METTL1: variants seen among roughly 807,000 people sequenced by gnomAD.
METTL1 encodes the protein tRNA (guanine-N(7)-)-methyltransferase.
In METTL1, 14 loss-of-function variants were observed where a neutral mutation model predicts 27.7. The ratio of observed to expected loss-of-function variants is 0.51; its 90% CI spans 0.33 to 0.79. The LOEUF (loss-of-function observed/expected upper bound fraction) is 0.79. Among genes scored for constraint, METTL1 ranks in the 30% least tolerant of loss-of-function variants. The probability of loss-of-function intolerance (pLI) is 0.02; values close to 1 mark genes in which losing one functional copy is unlikely to be tolerated. For missense variants in METTL1, 333 were observed against 359.6 expected (o/e 0.93, Z 0.60); for synonymous variants, 138 against 137.0 (o/e 1.01, Z -0.05).
Position 57,769,363 on chromosome 12 carries a change from G to T in METTL1, c.615C>A (p.Asp205Glu), listed in dbSNP as rs764012394. 1.5e-5 allele frequency: 24 copies of T among 1,614,096 alleles called. No individual in the cohort carries two copies. Among genetic ancestry groups the T allele is most frequent in the Admixed American group, 1.3e-4 (8 of 60,004 alleles). Residue 205 changes from aspartate (D) to glutamate (E), a missense_variant, in exon 5 of 6, where the codon GAC becomes GAA. Physicochemically the swap from Asp to Glu is conservative, Grantham distance 45. Coordinates refer to ENST00000324871, the MANE Select transcript of METTL1 (RefSeq NM_005371.6). ...GCTCTTCGAAATGAGTGCACATCCAGTCGTGTAGCTCCAGCACATCGGTTA... is the reference window on the plus strand; with the variant it reads ...GCTCTTCGAAATGAGTGCACATCCATTCGTGTAGCTCCAGCACATCGGTTA... The part of the protein sequence containing the change: ...YTITDVLELH[D>E]WMCTHFEEHP...
chr12:57,769,717 T>C (rs2140401667), intron 3 of METTL1, 39 bp from the exon 4 acceptor site: 1 of 1,606,818 alleles, frequency 6.2e-7, no homozygotes, highest in South Asian at 1.1e-5. Context: ...TGTGAGAGCC[T>C]GGCCTCCATG....
At position 57,771,159 on chromosome 12, in the gene METTL1, T is replaced by C; in HGVS notation, c.209A>G (p.Lys70Arg). 6.2e-7 allele frequency: 1 copy of C among 1,614,208 alleles called. No homozygotes were observed. The highest frequency in any genetic ancestry group is 8.5e-7 in the Non-Finnish European group (1 of 1,180,038). ...CACTTGGGCCTGAGCTCTCTTTTCT[T>C]TCTTATCCTTTGGGTCATCGTGGCT... ...NQSHDDPKDKKEKRAQAQVEF... is the reference protein window; with the variant it reads ...NQSHDDPKDKREKRAQAQVEF... The change falls in exon 2 of 6, where the codon AAA becomes AGA. Residue 70 changes from lysine (K) to arginine (R), a missense_variant. Transcript: ENST00000324871.
intron 2 of METTL1, chr12:57,770,856 T>C (rs1032959830): frequency 4.5e-6 from 2 of 447,018 alleles, no homozygotes; most frequent in Non-Finnish European, 8.1e-6. Flanking sequence ...ATGGCTCATG[T>C]AGGGATTGAC....
rs770060272 is a variant in METTL1 at position 57,769,882 on chromosome 12, G to T, written c.349C>A (p.Gln117Lys). 2 of 1,614,056 alleles carry T rather than the reference G, an allele frequency of 1.2e-6. No homozygotes were observed. The highest frequency in any genetic ancestry group is 1.7e-6 in the Non-Finnish European group (2 of 1,179,962). The change falls in exon 3 of 6, where the codon CAA becomes AAA. Residue 117 changes from glutamine to lysine, a missense_variant. Coordinates refer to ENST00000324871, the MANE Select transcript of METTL1 (RefSeq NM_005371.6). ...EIRVKVSDYV[Q>K]DRIRALRAAP... is the part of the protein sequence containing the mutation. Reference sequence around the variant, plus strand: ...GCGCGTAGGGCCCGAATCCGGTCTTGTACATAGTCTGAGACCTTCACCCGG... The same window carrying T: ...GCGCGTAGGGCCCGAATCCGGTCTTTTACATAGTCTGAGACCTTCACCCGG...
In METTL1 at chr12:57,772,097, G is replaced by T. The variant is rs1955442674; in HGVS notation, c.-14C>A. The T allele has an allele frequency of 1.3e-6, 2 of 1,571,298 alleles. No homozygotes were observed. Among genetic ancestry groups the T allele is most frequent in the Non-Finnish European group, 8.6e-7 (1 of 1,165,470 alleles). On this transcript the variant is annotated 5_prime_UTR_variant, in exon 1 of 6. Transcript: ENST00000324871. The surrounding 1 kb of genome is among the most constrained non-coding windows in gnomAD (Gnocchi z 4.1). ...CTCGGCTGCCATGATCCCAGTCCGG[G>T]GTTTCTCTACCAAATCCACGTGGAG...
chr12:57,770,400 C>T (rs1032823087), intron 2 of METTL1, among the ~76,000 whole-genome samples: 1 of 152,172 alleles, frequency 6.6e-6, no homozygotes, highest in Non-Finnish European at 1.5e-5. Flanking sequence ...GCAATCTCTG[C>T]CTCCCAGGTT....
chr12:57,771,946 C>CCT, intron 1 of METTL1, 28 bp downstream of exon 1: 1 of 1,489,134 alleles, frequency 6.7e-7, no homozygotes, highest in Non-Finnish European at 8.9e-7. Flanking sequence ...ATCCCGCCCT[C>CCT]CTCTCTCTCC....
At chr12:57,770,767 G>T (rs1394341218) in intron 2 of METTL1, 2 of 242,156 alleles carry the variant, frequency 8.3e-6, no homozygotes. Flanking sequence ...AGAAAAGACA[G>T]TTCAGGATCA....
intron 5 of METTL1, 40 bp downstream of exon 5, chr12:57,769,263 T>A: frequency 6.2e-7 from 1 of 1,612,566 alleles, no homozygotes; most frequent in African/African-American, 1.3e-5. Context: ...ACAGAACCAC[T>A]CTGGAAAGGG....
rs1220703797 is a variant in METTL1 at position 57,772,039 on chromosome 12, C to T, written c.45G>A (p.Pro15=). Residue 15 remains proline (P), a synonymous_variant, in exon 1 of 6, where the codon CCG becomes CCA. Transcript: ENST00000324871. The surrounding 1 kb of genome is among the most constrained non-coding windows in gnomAD (Gnocchi z 4.1). ...GTTGCCGGTAGTAGCGCTTCTGGGGCGGTGGGGCCTCTGCTCCGGCCACGT... is the reference window on the plus strand; with the variant it reads ...GTTGCCGGTAGTAGCGCTTCTGGGGTGGTGGGGCCTCTGCTCCGGCCACGT... ...TRNVAGAEAP[P]PQKRYYRQRA... 2 of 1,552,778 alleles carry T rather than the reference C, an allele frequency of 1.3e-6. No homozygotes were observed. The highest frequency in any genetic ancestry group is 1.4e-5 in the African/African-American group (1 of 69,996).
At position 57,772,000 on chromosome 12, in the gene METTL1, G is replaced by C. The variant is rs1466560811; in HGVS notation, c.84C>G (p.Asn28Lys). ...AGCGCAGCGTGTGGTCCGCCATGGGGTTGGAGTGAGCACGTTGCCGGTAGT... is the reference window on the plus strand; with the variant it reads ...AGCGCAGCGTGTGGTCCGCCATGGGCTTGGAGTGAGCACGTTGCCGGTAGT... ...KRYYRQRAHS[N>K]PMADHTLRYP... Residue 28 changes from asparagine to lysine, a missense_variant, in exon 1 of 6, where the codon AAC becomes AAG. Transcript: ENST00000324871. 6.4e-7 allele frequency: 1 copy of C among 1,551,010 alleles called. No individual in the cohort carries two copies. The highest frequency in any genetic ancestry group is 1.2e-5 in the South Asian group (1 of 82,234).
chr12:57,769,982 C>CA, intron 2 of METTL1, 26 bp from the exon 3 acceptor site: 1 of 1,575,952 alleles, frequency 6.3e-7, no homozygotes, highest in Non-Finnish European at 8.6e-7. Flanking sequence ...GCAATGGAAT[C>CA]ATCAACCATA....
In METTL1 at chr12:57,770,914, T is replaced by A. The variant is rs540339306; in HGVS notation, c.274+180A>T. 80 of 623,754 alleles carry A rather than the reference T, an allele frequency of 1.3e-4. 1 individual carries two copies. The Admixed American group carries it at 2.4e-3, about 18-fold the overall frequency. The allele number at this position is 623,754 out of a possible 1,614,324, so 38.6% of individuals were successfully genotyped here. On this transcript the variant is annotated intron_variant, in intron 2 of 5. Transcript: ENST00000324871. ...TTAAGAAGCATTTGAGGCAGCCCCC[T>A]CCACTCTCCAGGGCAAAGGTCACAG...
At position 57,771,082 on chromosome 12, in the gene METTL1, C is replaced by T; in HGVS notation, c.274+12G>A. ...GCCTCTTCTCACCCCAAAAAGAGGGCCTGAGTGTTACCTAACAGGCCACCA... is the reference window on the plus strand; with the variant it reads ...GCCTCTTCTCACCCCAAAAAGAGGGTCTGAGTGTTACCTAACAGGCCACCA... On this transcript the variant is annotated intron_variant, in intron 2 of 5. Transcript: ENST00000324871. The T allele has an allele frequency of 1.9e-6, 3 of 1,611,696 alleles. No individual in the cohort carries two copies. Among genetic ancestry groups the T allele is most frequent in the Non-Finnish European group, 8.5e-7 (1 of 1,179,360 alleles).
At chr12:57,769,522 T>C (rs200262817) in intron 4 of METTL1, 43 bp downstream of exon 4, 4 of 806,180 alleles carry the variant, frequency 5.0e-6, no homozygotes, top group South Asian at 3.7e-5. Context: ...GAAGGGCCCC[T>C]GAGTAGGCCA....
chr12:57,771,075 A>G lies in METTL1; in HGVS notation c.274+19T>C. 1.9e-6 allele frequency: 3 copies of G among 1,609,226 alleles called. No homozygotes were observed. Among genetic ancestry groups the G allele is most frequent in the Non-Finnish European group, 2.5e-6 (3 of 1,178,560 alleles). On this transcript the variant is annotated intron_variant, in intron 2 of 5. Coordinates refer to ENST00000324871, the MANE Select transcript of METTL1 (RefSeq NM_005371.6). ...CTACTAGGCCTCTTCTCACCCCAAA[A>G]AGAGGGCCTGAGTGTTACCTAACAG...
intron 1 of METTL1, chr12:57,771,653 G>C (rs1391456017): frequency 6.6e-7 from 1 of 1,524,624 alleles, no homozygotes. Context: ...TTGTGTATAT[G>C]TTTGCCTTTT....
intron 1 of METTL1, 63 bp downstream of exon 1, chr12:57,771,911 A>C: frequency 6.8e-7 from 1 of 1,469,098 alleles, no homozygotes; most frequent in Non-Finnish European, 9.0e-7. Flanking sequence ...GTTGCAGCAC[A>C]ACTGCTCTCC....
Position 57,772,035 on chromosome 12 carries a change from G to A in METTL1, c.49C>T (p.Gln17Ter). ...NVAGAEAPPPQKRYYRQRAHS... is the reference protein window; with the variant it reads ...NVAGAEAPPP ...GCACGTTGCCGGTAGTAGCGCTTCT[G>A]GGGCGGTGGGGCCTCTGCTCCGGCC... Residue 17 changes from glutamine to a stop codon, truncating the protein, a stop_gained, in exon 1 of 6, where the codon CAG becomes TAG. Coordinates refer to ENST00000324871, the MANE Select transcript of METTL1 (RefSeq NM_005371.6). LOFTEE classifies it high-confidence loss of function. This position sits in a 1 kb window ranked among gnomAD's most constrained non-coding sequence, Gnocchi z 4.1. 1 of 1,554,172 alleles carries A rather than the reference G, an allele frequency of 6.4e-7. No individual in the cohort carries two copies. The highest frequency in any genetic ancestry group is 1.2e-5 in the South Asian group (1 of 82,756).
Sources: gnomAD v4.1 joint callset for allele counts (sites outside exome capture counted in the v4.1 genomes callset) on GRCh38, gnomAD v4.1.1 for gene constraint, Gnocchi (gnomAD v3.1) non-coding constraint, MANE v1.5 for transcripts, NCBI Gene and HGNC (gene_info 2026-07-23, HGNC 2026-07-21) for gene names.